The following ARMC8 variants were observed in gnomAD, a reference collection of about 807,000 sequenced individuals.
The protein encoded by ARMC8 is armadillo repeat containing 8.
A neutral mutation model predicts 99.3 loss-of-function variants in ARMC8; 20 were observed. The observed-to-expected ratio is 0.20, with a 90% CI of 0.14 to 0.29. The LOEUF is 0.29. Among genes scored for constraint, ARMC8 ranks in the 10% least tolerant of loss-of-function variants. ARMC8 has a pLI of 1.00. For missense variants in ARMC8, 569 were observed against 809.5 expected (o/e 0.70, Z 3.60); for synonymous variants, 263 against 278.3 (o/e 0.95, Z 0.55).
At chr3:138,267,125 CATT>C (rs2048358520) in intron 14 of ARMC8, 27 bp from the exon 15 acceptor site, 1 of 1,147,960 alleles carries the variant, frequency 8.7e-7, no homozygotes, top group Non-Finnish European at 1.3e-6. Flanking sequence ...CATTCCAAAT[CATT>C]AGTAGTATCC....
intron 13 of ARMC8, 83 bp from the exon 14 acceptor site, chr3:138,264,048 A>T (rs1358093462): frequency 2.4e-6 from 3 of 1,238,332 alleles, no homozygotes; most frequent in Admixed American, 1.8e-5. Flanking sequence ...AGTGTACATT[A>T]GTCATTGTAA....
chr3:138,234,341 A>G (rs1023084719), intron 6 of ARMC8, among the ~76,000 whole-genome samples: 2 of 151,970 alleles, frequency 1.3e-5, no homozygotes, highest in Non-Finnish European at 2.9e-5. Context: ...TGATCTCCCA[A>G]CCTCCTGATT....
intron 5 of ARMC8, among the ~76,000 whole-genome samples, chr3:138,224,821 T>C (rs886526101): frequency 6.6e-6 from 1 of 152,198 alleles, no homozygotes; most frequent in Non-Finnish European, 1.5e-5. Context: ...TATTTCCAAA[T>C]ATCAGATGCT....
At chr3:138,202,321 T>C (rs2044129865) in intron 1 of ARMC8, among the ~76,000 whole-genome samples, 1 of 152,260 alleles carries the variant, frequency 6.6e-6, no homozygotes, top group African/African-American at 2.4e-5. Flanking sequence ...AATAAGTAGA[T>C]ATGAAAATGA....
intron 19 of ARMC8, among the ~76,000 whole-genome samples, chr3:138,285,494 G>A (rs1186648677): frequency 1.3e-5 from 2 of 152,028 alleles, no homozygotes; most frequent in African/African-American, 4.8e-5. Flanking sequence ...TCCTTCCTTG[G>A]GACCTTCACA....
At chr3:138,253,386 G>C (rs1052821830) in intron 12 of ARMC8, among the ~76,000 whole-genome samples, 6 of 152,134 alleles carry the variant, frequency 3.9e-5, no homozygotes, top group Admixed American at 6.6e-5. Context: ...ATTTGACCAA[G>C]GCCCCCCAGC....
chr3:138,228,413 G>T (rs1276256423), intron 5 of ARMC8, among the ~76,000 whole-genome samples: 1 of 152,194 alleles, frequency 6.6e-6, no homozygotes, highest in African/African-American at 2.4e-5. Flanking sequence ...CTGAGAAGCT[G>T]CCAGTCATAT....
intron 1 of ARMC8, chr3:138,187,872 A>G (rs2043157150): frequency 6.0e-6 from 3 of 502,778 alleles, no homozygotes; most frequent in Non-Finnish European, 1.1e-5. Context: ...CTTATAGACA[A>G]CTGGCTGGGC....
chr3:138,213,505 TTAAG>T (rs545737962), intron 2 of ARMC8, among the ~76,000 whole-genome samples: 137 of 152,288 alleles, frequency 9.0e-4, no homozygotes, highest in African/African-American at 3.1e-3. Flanking sequence ...TAGATGATCA[TTAAG>T]TAGGGAGTAA....
intron 1 of ARMC8, among the ~76,000 whole-genome samples, chr3:138,190,953 A>G (rs1279671672): frequency 6.6e-6 from 1 of 152,216 alleles, no homozygotes; most frequent in Admixed American, 6.5e-5. Context: ...AAACTGATCT[A>G]ATATGGAGGG....
intron 18 of ARMC8, among the ~76,000 whole-genome samples, chr3:138,282,713 A>G (rs2050056873): frequency 6.6e-6 from 1 of 151,858 alleles, no homozygotes; most frequent in African/African-American, 2.4e-5. Context: ...GCTAGAATAT[A>G]GGGAAAGCAA....
At chr3:138,294,952 G>C (rs1288316229) in intron 21 of ARMC8, among the ~76,000 whole-genome samples, 1 of 150,530 alleles carries the variant, frequency 6.6e-6, no homozygotes, top group African/African-American at 2.5e-5. Flanking sequence ...AGGCTGGAGT[G>C]CAATGGCACC....
intron 18 of ARMC8, among the ~76,000 whole-genome samples, chr3:138,278,738 G>T (rs970417598): frequency 2.0e-5 from 3 of 152,074 alleles, no homozygotes. Context: ...TCTTATAGCA[G>T]TGTTTTGTAG....
intron 12 of ARMC8, among the ~76,000 whole-genome samples, chr3:138,250,880 C>G (rs1280863575): frequency 2.0e-5 from 3 of 152,136 alleles, no homozygotes; most frequent in Non-Finnish European, 4.4e-5. Flanking sequence ...GGCATGGTGG[C>G]TCACGCCTGT....
intron 12 of ARMC8, chr3:138,261,297 G>T (rs927505312): frequency 6.6e-6 from 1 of 152,174 alleles, no homozygotes; most frequent in Non-Finnish European, 1.5e-5. Context: ...GAAGAGTTGG[G>T]GTCAAAATTA....
At position 138,290,704 on chromosome 3, in the gene ARMC8, A is replaced by G. The variant is rs533668866; in HGVS notation, c.1988+65A>G. On this transcript the variant is annotated intron_variant, in intron 21 of 21. Transcript: ENST00000469044. ...TGGATTCTTTCGTGAAAGGGTTTGA[A>G]TTGCTTGGTAATTAATGGCCATACT... The G allele has an allele frequency of 1.3e-5, 14 of 1,079,868 alleles. No homozygotes were observed. In the Admixed American group the frequency reaches 1.9e-4, roughly 14 times the overall value. The allele number at this position is 1,079,868 out of a possible 1,614,324, so 66.9% of individuals were successfully genotyped here.
chr3:138,288,501 T>A (rs1164477522), intron 19 of ARMC8, among the ~76,000 whole-genome samples: 1 of 152,232 alleles, frequency 6.6e-6, no homozygotes, highest in Admixed American at 6.5e-5. Flanking sequence ...TTTGCATGTC[T>A]TTTGGCAAGG....
rs2045518768 is a variant in ARMC8 at position 138,223,547 on chromosome 3, AT to A, written c.337+21del. 6.2e-7 allele frequency: 1 copy of A among 1,614,122 alleles called. No homozygotes were observed. Among genetic ancestry groups the A allele is most frequent in the East Asian group, 2.2e-5 (1 of 44,870 alleles). On this transcript the variant is annotated intron_variant, in intron 4 of 21. Coordinates refer to ENST00000469044, the MANE Select transcript of ARMC8 (RefSeq NM_001363941.2). ...TTATTGCAAGGTATGTAGGGAAGCC[AT>A]TTTTGCTCAATTAAGGTTAAGAATC...
intron 2 of ARMC8, among the ~76,000 whole-genome samples, chr3:138,218,890 C>T (rs2045235833): frequency 6.6e-6 from 1 of 152,030 alleles, no homozygotes; most frequent in South Asian, 2.1e-4. Context: ...GGGTATCTGA[C>T]TAAAAGTTAG....
Sources: allele counts gnomAD v4.1 joint callset (sites outside exome capture counted in the v4.1 genomes callset), GRCh38; gene constraint gnomAD v4.1.1; transcripts MANE v1.5; gene names NCBI Gene and HGNC (gene_info 2026-07-23, HGNC 2026-07-21).